SDK1: variants seen among roughly 807,000 people sequenced by gnomAD.
SDK1 encodes the protein protein sidekick-1.
A neutral mutation model predicts 245.5 loss-of-function variants in SDK1; 157 were observed. The observed-to-expected ratio is 0.64, with a 90% CI of 0.56 to 0.73. The LOEUF (loss-of-function observed/expected upper bound fraction) is 0.73, where lower values mean the gene tolerates loss of function less well. Among genes scored for constraint, SDK1 ranks in the 30% least tolerant of loss-of-function variants. The probability of loss-of-function intolerance (pLI) is 0.00; values close to 1 mark genes in which losing one functional copy is unlikely to be tolerated. For synonymous variants in SDK1, 1,647 were observed against 1,278.5 expected, an observed-to-expected ratio of 1.29 and a Z score of -6.15; for missense variants, 3,583 against 3,002.3, an observed-to-expected ratio of 1.19 and a Z score of -4.52.
chr7:4,158,639 A>G, intron 31 of SDK1, 88 bp downstream of exon 31: 1 of 872,488 alleles, frequency 1.1e-6, no homozygotes, highest in Admixed American at 1.9e-5. Context: ...TGAGCCAGAA[A>G]GGGGCCACCA....
At chr7:3,811,452 G>C (rs1354674764) in intron 4 of SDK1, among the ~76,000 whole-genome samples, 1 of 152,240 alleles carries the variant, frequency 6.6e-6, no homozygotes, top group Non-Finnish European at 1.5e-5. Flanking sequence ...CTTTAAGTCA[G>C]GTTCGACACT....
At chr7:3,585,360 T>G (rs1780650387) in intron 1 of SDK1, among the ~76,000 whole-genome samples, 2 of 152,222 alleles carry the variant, frequency 1.3e-5, no homozygotes, top group South Asian at 4.1e-4. Flanking sequence ...GTAATAAAGC[T>G]AGAGTAATGG....
chr7:3,314,045 A>T (rs1779608932), intron 1 of SDK1, among the ~76,000 whole-genome samples: 1 of 152,346 alleles, frequency 6.6e-6, no homozygotes, highest in Admixed American at 6.5e-5. Context: ...CTTATAGTTT[A>T]TTAGGGCATA....
chr7:3,775,497 G>A (rs2115004834), intron 4 of SDK1, among the ~76,000 whole-genome samples: 1 of 151,146 alleles, frequency 6.6e-6, no homozygotes, highest in South Asian at 2.1e-4. Flanking sequence ...ACACATATGT[G>A]CTTGACTGGT....
chr7:4,098,252 T>C (rs1201241222), intron 22 of SDK1, among the ~76,000 whole-genome samples: 1 of 152,200 alleles, frequency 6.6e-6, no homozygotes, highest in African/African-American at 2.4e-5. Context: ...ACAACTCAAG[T>C]GGGACCAAAG....
intron 4 of SDK1, among the ~76,000 whole-genome samples, chr7:3,658,166 C>T (rs1261336313): frequency 6.6e-6 from 1 of 152,180 alleles, no homozygotes; most frequent in African/African-American, 2.4e-5. Flanking sequence ...GATCACATCC[C>T]CTCACAGGTG....
chr7:3,831,204 C>T (rs1023001928), intron 5 of SDK1, among the ~76,000 whole-genome samples: 1 of 152,176 alleles, frequency 6.6e-6, no homozygotes, highest in African/African-American at 2.4e-5. Flanking sequence ...GATGAGACCA[C>T]ATAGAACAAG....
chr7:4,101,834 A>G (rs76269164), intron 22 of SDK1, among the ~76,000 whole-genome samples: 2,081 of 152,188 alleles, frequency 0.014, 50 homozygotes, highest in African/African-American at 0.048. Context: ...AAGCCATGCA[A>G]GAGAGAAGAA....
chr7:3,626,059 C>G (rs540128125), intron 2 of SDK1, among the ~76,000 whole-genome samples: 1 of 150,588 alleles, frequency 6.6e-6, no homozygotes, highest in East Asian at 2.0e-4. Flanking sequence ...TCCTTCTGCA[C>G]CAGCCTCCCT....
chr7:3,650,030 CAATT>C (rs1360302422), intron 4 of SDK1, among the ~76,000 whole-genome samples: 62 of 124,942 alleles, frequency 5.0e-4, no homozygotes, highest in African/African-American at 1.6e-3. Context: ...AAAAAAAAGG[CAATT>C]AAAATTGTGG....
intron 1 of SDK1, among the ~76,000 whole-genome samples, chr7:3,557,872 C>G (rs1023889191): frequency 6.6e-6 from 1 of 152,160 alleles, no homozygotes; most frequent in South Asian, 2.1e-4. Flanking sequence ...TATGTTGAGA[C>G]ATTGCATTCC....
In SDK1 at chr7:3,426,938, T is replaced by G. The variant is rs117392400; in HGVS notation, c.298+125054T>G. 9.6e-4 allele frequency among the ~76,000 whole-genome samples: 147 copies of G among 152,338 alleles called. 2 individuals are homozygous for G. In the East Asian group the frequency reaches 0.024, roughly 25 times the overall value. ...AAAGGCATGCAGAGTTCTTCAAAAG[T>G]TAGCTCTTGCTTGCCTTCCAACCTC... On this transcript the variant is annotated intron_variant, in intron 1 of 44. Transcript: ENST00000404826.
chr7:3,451,814 A>G (rs6971305), intron 1 of SDK1, among the ~76,000 whole-genome samples: 10,996 of 152,214 alleles, frequency 0.072, 1,312 homozygotes, highest in African/African-American at 0.24. Flanking sequence ...TTAAAAACCA[A>G]CTGTACTGGG....
At chr7:3,440,564 C>A (rs1290709803) in intron 1 of SDK1, among the ~76,000 whole-genome samples, 1 of 152,058 alleles carries the variant, frequency 6.6e-6, no homozygotes, top group African/African-American at 2.4e-5. Flanking sequence ...GTTCAAGTAA[C>A]CCTTATTTTA....
At chr7:3,723,750 A>G (rs1446731597) in intron 4 of SDK1, among the ~76,000 whole-genome samples, 1 of 151,474 alleles carries the variant, frequency 6.6e-6, no homozygotes, top group Admixed American at 6.6e-5. Context: ...ACACGTGTAT[A>G]TACACGTACA....
intron 1 of SDK1, among the ~76,000 whole-genome samples, chr7:3,351,858 T>G (rs1162931188): frequency 2.0e-5 from 3 of 152,108 alleles, no homozygotes; most frequent in Non-Finnish European, 2.9e-5. Context: ...ATGGAAGACT[T>G]AAAGAACATG....
chr7:4,185,345 G>A (rs570851538), intron 35 of SDK1, among the ~76,000 whole-genome samples: 1 of 152,230 alleles, frequency 6.6e-6, no homozygotes, highest in Non-Finnish European at 1.5e-5. Context: ...GGGCACTGTG[G>A]GACCACGCTC....
intron 5 of SDK1, among the ~76,000 whole-genome samples, chr7:3,908,428 G>T (rs965067899): frequency 6.6e-6 from 1 of 152,090 alleles, no homozygotes; most frequent in African/African-American, 2.4e-5. Flanking sequence ...CTTCATACAC[G>T]GCTGGCCAGA....
At chr7:4,199,848 C>T (rs369952068) in intron 35 of SDK1, among the ~76,000 whole-genome samples, 82 of 152,282 alleles carry the variant, frequency 5.4e-4, no homozygotes, top group African/African-American at 1.6e-3. Flanking sequence ...CTGTACTCAG[C>T]GAACCACTCA....
Sources: allele counts gnomAD v4.1 joint callset (sites outside exome capture counted in the v4.1 genomes callset), GRCh38; gene constraint gnomAD v4.1.1; transcripts MANE v1.5; gene names NCBI Gene and HGNC (gene_info 2026-07-23, HGNC 2026-07-21).